The following UHRF2 variants were observed in gnomAD, a reference collection of about 807,000 sequenced individuals.
UHRF2 encodes ubiquitin like with PHD and ring finger domains 2, also known as E3 ubiquitin-protein ligase UHRF2.
In UHRF2, 23 loss-of-function variants were observed where a neutral mutation model predicts 96.8. The ratio of observed to expected loss-of-function variants is 0.24; its 90% CI spans 0.17 to 0.34. The LOEUF is 0.34. UHRF2 is among the 10% of genes least tolerant of loss of function. The probability of loss-of-function intolerance (pLI) is 1.00; values close to 1 mark genes in which losing one functional copy is unlikely to be tolerated. For missense variants in UHRF2, 685 were observed against 981.5 expected, an observed-to-expected ratio of 0.70 and a Z score of 4.04; for synonymous variants, 385 against 332.6, an observed-to-expected ratio of 1.16 and a Z score of -1.72.
chr9:6,487,908 CTA>C (rs1824405853), intron 9 of UHRF2, among the ~76,000 whole-genome samples: 1 of 152,062 alleles, frequency 6.6e-6, no homozygotes, highest in Admixed American at 6.6e-5. Flanking sequence ...ATTAAACTTA[CTA>C]TTTTGAGATA....
At chr9:6,416,662 C>G (rs886367549) in intron 1 of UHRF2, among the ~76,000 whole-genome samples, 1 of 151,706 alleles carries the variant, frequency 6.6e-6, no homozygotes, top group African/African-American at 2.4e-5. Context: ...GCCTCAGCCT[C>G]CCGAGTAGCT....
chr9:6,475,374 C>T lies in UHRF2; in HGVS notation c.864-17C>T. On this transcript the variant is annotated splice_polypyrimidine_tract_variant and intron_variant, in intron 4 of 15. Coordinates refer to ENST00000276893, the MANE Select transcript of UHRF2 (RefSeq NM_152896.3). ...ATTTTGCTGGCAGAAGTTAACCTTTCTTCCTTTTTTAAACAGGGGTTCTGA... is the reference window on the plus strand; with the variant it reads ...ATTTTGCTGGCAGAAGTTAACCTTTTTTCCTTTTTTAAACAGGGGTTCTGA... 1 of 1,472,058 alleles carries T rather than the reference C, an allele frequency of 6.8e-7. No homozygotes were observed. The allele number at this position is 1,472,058 out of a possible 1,614,324, so 91.2% of individuals were successfully genotyped here.
intron 3 of UHRF2, among the ~76,000 whole-genome samples, chr9:6,447,260 T>C (rs997173233): frequency 6.6e-6 from 1 of 152,224 alleles, no homozygotes; most frequent in East Asian, 1.9e-4. Flanking sequence ...GGTCATACTT[T>C]ATTATATATT....
chr9:6,498,412 A>G (rs969418527), intron 12 of UHRF2: 1 of 308,538 alleles, frequency 3.2e-6, no homozygotes, highest in African/African-American at 2.2e-5. Context: ...TTCCAAATCA[A>G]TTTGGAAATG....
At chr9:6,414,932 T>G (rs192656137) in intron 1 of UHRF2, among the ~76,000 whole-genome samples, 1 of 152,356 alleles carries the variant, frequency 6.6e-6, no homozygotes, top group African/African-American at 2.4e-5. Flanking sequence ...AGTTGTAAGC[T>G]TTGCTTTTGA....
chr9:6,432,313 A>G lies in UHRF2; in HGVS notation c.385-1601A>G, dbSNP rs907862093. ...GTACCTCTTCTGGTAGTGACAGTTG[A>G]TAGTTTTTGTTTAGTCTGTATTCTT... On this transcript the variant is annotated intron_variant, in intron 2 of 15. Coordinates refer to ENST00000276893, the MANE Select transcript of UHRF2 (RefSeq NM_152896.3). Among the ~76,000 whole-genome samples, 8 of 152,222 alleles carry G rather than the reference A, an allele frequency of 5.3e-5. No individual in the cohort carries two copies. In the East Asian group the frequency reaches 1.3e-3, roughly 26 times the overall value.
intron 4 of UHRF2, among the ~76,000 whole-genome samples, chr9:6,473,614 C>G (rs553695714): frequency 6.6e-6 from 1 of 152,198 alleles, no homozygotes; most frequent in East Asian, 1.9e-4. Context: ...AGAAAATGAA[C>G]CTAAATCTGA....
intron 3 of UHRF2, chr9:6,449,308 C>T (rs934700753): frequency 6.6e-6 from 1 of 152,220 alleles, no homozygotes; most frequent in Non-Finnish European, 1.5e-5. Context: ...TTGGCAATTT[C>T]TGCCCAATGT....
chr9:6,486,094 A>G (rs913787422), intron 8 of UHRF2, among the ~76,000 whole-genome samples: 15 of 152,180 alleles, frequency 9.9e-5, no homozygotes, highest in African/African-American at 3.6e-4. Context: ...AGGGTAATAA[A>G]TCATGTTGAC....
In UHRF2 at chr9:6,462,790, G is replaced by T. The variant is rs1451077436; in HGVS notation, c.863+1999G>T. Among the ~76,000 whole-genome samples the T allele has an allele frequency of 4.6e-5, 7 of 152,258 alleles. No individual in the cohort carries two copies. In the East Asian group the frequency reaches 1.4e-3, roughly 29 times the overall value. ...AAATTAGCTGGGTGTAGTGGCACGT[G>T]CCTGTAGTCCCAGCTACATGGGTGG... On this transcript the variant is annotated intron_variant, in intron 4 of 15. Coordinates refer to ENST00000276893, the MANE Select transcript of UHRF2 (RefSeq NM_152896.3).
intron 2 of UHRF2, among the ~76,000 whole-genome samples, chr9:6,422,187 A>G (rs962901152): frequency 5.3e-5 from 8 of 152,098 alleles, no homozygotes; most frequent in Admixed American, 2.0e-4. Context: ...CTGTGTTCCT[A>G]TTCTCTTGCC....
At chr9:6,419,599 T>C (rs1336897350) in intron 1 of UHRF2, among the ~76,000 whole-genome samples, 1 of 152,208 alleles carries the variant, frequency 6.6e-6, no homozygotes, top group East Asian at 1.9e-4. Flanking sequence ...AATAAGGTCA[T>C]AAAACAACTT....
At chr9:6,460,294 T>TA (rs1286247110) in intron 3 of UHRF2, among the ~76,000 whole-genome samples, 12 of 152,172 alleles carry the variant, frequency 7.9e-5, no homozygotes, top group African/African-American at 2.9e-4. Context: ...GCTGAACACT[T>TA]ACTTGCCTGA....
chr9:6,481,520 G>T, intron 6 of UHRF2, 123 bp from the exon 7 acceptor site: 1 of 1,118,820 alleles, frequency 8.9e-7, no homozygotes, highest in Non-Finnish European at 1.2e-6. Flanking sequence ...GCCAGTTAAA[G>T]CTCTGTAATG....
At chr9:6,471,677 C>G (rs1253382000) in intron 4 of UHRF2, among the ~76,000 whole-genome samples, 7 of 152,122 alleles carry the variant, frequency 4.6e-5, no homozygotes, top group Non-Finnish European at 8.8e-5. Flanking sequence ...AGATCTTAAG[C>G]CAGAACTACC....
chr9:6,453,996 C>G (rs1822026701), intron 3 of UHRF2, among the ~76,000 whole-genome samples: 1 of 151,594 alleles, frequency 6.6e-6, no homozygotes, highest in African/African-American at 2.4e-5. Flanking sequence ...AAGATTATTT[C>G]TGCATAATAA....
intron 2 of UHRF2, chr9:6,422,622 T>G (rs764411429): frequency 3.1e-6 from 2 of 636,824 alleles, no homozygotes; most frequent in African/African-American, 1.8e-5. Flanking sequence ...GATCTTTTCT[T>G]TTTTTGAGAC....
chr9:6,489,597 T>C (rs13288875), intron 9 of UHRF2, among the ~76,000 whole-genome samples: 4,824 of 152,336 alleles, frequency 0.032, 100 homozygotes, highest in Middle Eastern at 0.071. Flanking sequence ...TGTTTTTTGT[T>C]TTAGCCATTC....
At chr9:6,466,854 C>T (rs144434027) in intron 4 of UHRF2, among the ~76,000 whole-genome samples, 1 of 152,230 alleles carries the variant, frequency 6.6e-6, no homozygotes, top group African/African-American at 2.4e-5. Context: ...CTTACTCTGT[C>T]TCTTATTTCA....
Sources: allele counts gnomAD v4.1 joint callset (sites outside exome capture counted in the v4.1 genomes callset), GRCh38; gene constraint gnomAD v4.1.1; transcripts MANE v1.5; gene names NCBI Gene and HGNC (gene_info 2026-07-23, HGNC 2026-07-21).